The following ORC4 variants were observed in gnomAD, a reference collection of about 807,000 sequenced individuals.
ORC4 encodes the protein origin recognition complex, subunit 4 homolog.
A neutral mutation model predicts 63.9 loss-of-function variants in ORC4; 55 were observed. That is an observed-to-expected ratio of 0.86 (90% CI 0.69 to 1.08). The LOEUF (loss-of-function observed/expected upper bound fraction) is 1.08. Among genes scored for constraint, ORC4 ranks in the 50% least tolerant of loss-of-function variants. The probability of loss-of-function intolerance (pLI) is 0.00; values close to 1 mark genes in which losing one functional copy is unlikely to be tolerated. For missense variants in ORC4, 511 were observed against 504.4 expected (o/e 1.01, Z -0.13); for synonymous variants, 150 against 168.5 (o/e 0.89, Z 0.85).
chr2:148,007,735 A>G (rs1403133765), intron 1 of ORC4, among the ~76,000 whole-genome samples: 3 of 152,238 alleles, frequency 2.0e-5, no homozygotes, highest in Non-Finnish European at 2.9e-5. Flanking sequence ...AAGAACACCA[A>G]ATAGATTCAA....
intron 4 of ORC4, among the ~76,000 whole-genome samples, chr2:147,963,182 C>T (rs1247935283): frequency 6.6e-6 from 1 of 152,182 alleles, no homozygotes; most frequent in African/African-American, 2.4e-5. Context: ...GTACACTTGC[C>T]AACTGCCCCT....
At chr2:147,985,199 GT>G (rs1229645112) in intron 1 of ORC4, among the ~76,000 whole-genome samples, 1 of 151,436 alleles carries the variant, frequency 6.6e-6, no homozygotes, top group South Asian at 2.1e-4. Flanking sequence ...TGTTTTTTTT[GT>G]TTTTTTGTTT....
chr2:147,936,847 T>C (rs1334861267), intron 13 of ORC4: 1 of 151,754 alleles, frequency 6.6e-6, no homozygotes, highest in Non-Finnish European at 1.5e-5. Context: ...GGTGAAACAC[T>C]GTCTCTACTA....
intron 1 of ORC4, among the ~76,000 whole-genome samples, chr2:147,976,650 C>T (rs1423575902): frequency 1.3e-5 from 2 of 152,134 alleles, no homozygotes. Context: ...AGAAAACCTT[C>T]CCTTTCTTGC....
Position 147,933,207 on chromosome 2 carries a change from A to C in ORC4, c.*2303T>G, listed in dbSNP as rs1292398759. On this transcript the variant is annotated 3_prime_UTR_variant, in exon 14 of 14. Transcript: ENST00000392857. ...TTTTCCTCCTCTAGTAAATGAAGAA[A>C]ATAAGCTATATGTATAAGTTTACAT... 2.0e-5 allele frequency: 3 copies of C among 152,144 alleles called. No individual in the cohort carries two copies. The highest frequency in any genetic ancestry group is 2.9e-5 in the Non-Finnish European group (2 of 68,014). The allele number at this position is 152,144 out of a possible 1,614,324, so 9.4% of individuals were successfully genotyped here.
At chr2:147,938,037 C>A in intron 13 of ORC4, 109 bp downstream of exon 13, 1 of 756,152 alleles carries the variant, frequency 1.3e-6, no homozygotes, top group Non-Finnish European at 2.2e-6. Flanking sequence ...TGAAAAAAAT[C>A]TCTATAATAC....
chr2:147,998,483 C>T, intron 1 of ORC4, among the ~76,000 whole-genome samples: 1 of 152,148 alleles, frequency 6.6e-6, no homozygotes, highest in East Asian at 1.9e-4. Context: ...AGTTCCTTCC[C>T]ACAAGAGTGG....
intron 1 of ORC4, among the ~76,000 whole-genome samples, chr2:148,000,378 T>C (rs1692227279): frequency 6.6e-6 from 1 of 152,160 alleles, no homozygotes; most frequent in Non-Finnish European, 1.5e-5. Flanking sequence ...TGAAGAGTGA[T>C]GGAAGTAAGA....
In ORC4 at chr2:147,958,530, G is replaced by T. The variant is rs12463798; in HGVS notation, c.302-147C>A. On this transcript the variant is annotated intron_variant, in intron 5 of 13. Coordinates refer to ENST00000392857, the MANE Select transcript of ORC4 (RefSeq NM_181741.4). ...TTAAAACTTAGCAATAAAGACATTC[G>T]GTAGAATCAAAAAACAATCCTCCTT... 0.34 allele frequency: 212,590 copies of T among 630,142 alleles called. 37,218 individuals are homozygous for T. The highest frequency in any genetic ancestry group is 0.51 in the East Asian group (18,478 of 36,026). The allele number at this position is 630,142 out of a possible 1,614,324, so 39.0% of individuals were successfully genotyped here.
chr2:147,997,792 A>T (rs1692058777), intron 1 of ORC4, among the ~76,000 whole-genome samples: 1 of 152,190 alleles, frequency 6.6e-6, no homozygotes, highest in Non-Finnish European at 1.5e-5. Flanking sequence ...AACTTTAAAA[A>T]TTTTCTTGCA....
In ORC4 at chr2:147,932,894, T is replaced by TAA. The variant is rs549356038; in HGVS notation, c.*2615_*2616insTT. The TAA allele has an allele frequency of 6.6e-6, 1 of 152,132 alleles. No individual in the cohort carries two copies. Among genetic ancestry groups the TAA allele is most frequent in the Non-Finnish European group, 1.5e-5 (1 of 68,014 alleles). 9.4% of individuals were successfully genotyped at this position (152,132 alleles called of 1,614,324 possible). Reference sequence around the variant, plus strand: ...ACTACAGAAAGACTGAAGTGTTTCTTACGGTGTTTTCTGCAAAACGTGATT... The same window carrying TAA: ...ACTACAGAAAGACTGAAGTGTTTCTTAAACGGTGTTTTCTGCAAAACGTGATT... On this transcript the variant is annotated 3_prime_UTR_variant, in exon 14 of 14. Coordinates refer to ENST00000392857, the MANE Select transcript of ORC4 (RefSeq NM_181741.4).
intron 2 of ORC4, among the ~76,000 whole-genome samples, chr2:147,975,454 C>T (rs1690493460): frequency 6.6e-6 from 1 of 150,976 alleles, no homozygotes; most frequent in South Asian, 2.1e-4. Flanking sequence ...CTTCCCAATC[C>T]TATTCAACAT....
At chr2:147,956,667 T>C (rs964046129) in intron 6 of ORC4, among the ~76,000 whole-genome samples, 12 of 152,038 alleles carry the variant, frequency 7.9e-5, no homozygotes, top group African/African-American at 2.2e-4. Context: ...CAAGAGTACA[T>C]TGAAGAATTT....
At position 147,987,177 on chromosome 2, in the gene ORC4, T is replaced by C. The variant is rs561076785; in HGVS notation, c.-17-11202A>G. Among the ~76,000 whole-genome samples, 3 of 140,332 alleles carry C rather than the reference T, an allele frequency of 2.1e-5. No homozygotes were observed. In the East Asian group the frequency reaches 6.8e-4, roughly 32 times the overall value. The allele number at this position is 140,332 out of a possible 152,430, so 92.1% of individuals were successfully genotyped here. On this transcript the variant is annotated intron_variant, in intron 1 of 13. Coordinates refer to ENST00000392857, the MANE Select transcript of ORC4 (RefSeq NM_181741.4). ...CTTGAAACTTTTTTTAACCTAAGATTGAGATCTTTAAAAAAAAAAAAATCT... is the reference window on the plus strand; with the variant it reads ...CTTGAAACTTTTTTTAACCTAAGATCGAGATCTTTAAAAAAAAAAAAATCT...
intron 1 of ORC4, among the ~76,000 whole-genome samples, chr2:147,978,668 C>T (rs534440728): frequency 7.9e-5 from 12 of 152,242 alleles, no homozygotes; most frequent in South Asian, 2.1e-4. Context: ...TGAACAGTTT[C>T]GGTAGCAGGC....
At chr2:147,972,301 T>C (rs1277944621) in intron 4 of ORC4, among the ~76,000 whole-genome samples, 1 of 152,060 alleles carries the variant, frequency 6.6e-6, no homozygotes, top group Non-Finnish European at 1.5e-5. Flanking sequence ...AAAGAATGCA[T>C]GATATGATAG....
intron 13 of ORC4, chr2:147,936,524 C>T (rs952518519): frequency 6.6e-6 from 1 of 151,974 alleles, no homozygotes; most frequent in Non-Finnish European, 1.5e-5. Context: ...CTGTAAAAAA[C>T]ATCACTGGAA....
chr2:147,969,975 CA>C (rs933070026), intron 4 of ORC4, among the ~76,000 whole-genome samples: 8 of 151,654 alleles, frequency 5.3e-5, no homozygotes, highest in Middle Eastern at 3.4e-3. Context: ...AAAGAACTGA[CA>C]AAAAAACTAA....
upstream of ORC4, chr2:148,021,483 G>GCTGCTGCTGCTA (rs1322010208): frequency 5.0e-5 from 28 of 565,562 alleles, 2 homozygotes; most frequent in Non-Finnish European, 8.9e-5. Flanking sequence ...TGCTGCTGTT[G>GCTGCTGCTGCTA]CTGCTGCTGC....
Sources: gnomAD v4.1 joint callset for allele counts (sites outside exome capture counted in the v4.1 genomes callset) on GRCh38, gnomAD v4.1.1 for gene constraint, MANE v1.5 for transcripts, NCBI Gene and HGNC (gene_info 2026-07-23, HGNC 2026-07-21) for gene names.